The following GP6 variants were observed in gnomAD, a reference collection of about 807,000 sequenced individuals.
GP6 encodes platelet glycoprotein VI.
GP6 carries 45 observed loss-of-function variants against 37.3 expected under a neutral mutation model. That is an observed-to-expected ratio of 1.21 (90% CI 0.95 to 1.55). The LOEUF is 1.55. Ranked by LOEUF, GP6 falls within the 40% of genes most tolerant of loss-of-function variation. GP6 has a pLI of 0.00. For synonymous variants in GP6, 340 were observed against 316.4 expected (o/e 1.07, Z -0.79); for missense variants, 813 against 760.2 (o/e 1.07, Z -0.82).
rs1219716596 is a variant in GP6 at position 55,014,844 on chromosome 19, C to T, written c.1101G>A (p.Trp367Ter). The change falls in exon 8 of 8, where the codon TGG becomes TGA. Residue 367 changes from tryptophan (W) to a stop codon, truncating the protein, a stop_gained. Transcript: ENST00000310373. LOFTEE classifies it low-confidence loss of function (END_TRUNC). ...GCCTCTGCCCTCCTGCTTCCACGCTCCACACACGCCAGTCTTTGAGTCGCC... is the reference window on the plus strand; with the variant it reads ...GCCTCTGCCCTCCTGCTTCCACGCTTCACACACGCCAGTCTTTGAGTCGCC... 6.2e-7 allele frequency: 1 copy of T among 1,614,102 alleles called. No homozygotes were observed. The highest frequency in any genetic ancestry group is 1.1e-5 in the South Asian group (1 of 91,076).
At chr19:55,019,509 A>G (rs963325350) in intron 5 of GP6, among the ~76,000 whole-genome samples, 2 of 152,146 alleles carry the variant, frequency 1.3e-5, no homozygotes, top group African/African-American at 4.8e-5. Context: ...TGTTTTAAAA[A>G]TCATAGTCAT....
chr19:55,024,292 G>GCACGCACACACACACA (rs1568612610), intron 5 of GP6, among the ~76,000 whole-genome samples: 20 of 83,208 alleles, frequency 2.4e-4, no homozygotes, highest in South Asian at 1.8e-3. Context: ...ACACACATAT[G>GCACGCACACACACACA]CACGCATGCA....
chr19:55,017,139 C>T (rs576968915), intron 6 of GP6, among the ~76,000 whole-genome samples: 303 of 146,190 alleles, frequency 2.1e-3, no homozygotes, highest in Non-Finnish European at 3.3e-3. Context: ...TTTTTTAATA[C>T]GGAGTCTCAC....
intron 3 of GP6, 129 bp from the exon 4 acceptor site, chr19:55,027,991 C>G: frequency 1.1e-6 from 1 of 881,450 alleles, no homozygotes; most frequent in Non-Finnish European, 1.9e-6. Context: ...GCGCACTCCC[C>G]CACCCAAGCT....
chr19:55,029,989 C>T (rs1484553906), intron 3 of GP6, among the ~76,000 whole-genome samples: 1 of 152,098 alleles, frequency 6.6e-6, no homozygotes, highest in African/African-American at 2.4e-5. Context: ...GAGTGAGGCA[C>T]TCTCCTGGGA....
intron 6 of GP6, 83 bp from the exon 7 acceptor site, chr19:55,015,816 C>G: frequency 3.8e-6 from 3 of 781,348 alleles, no homozygotes; most frequent in Non-Finnish European, 6.9e-6. Flanking sequence ...CACACACACA[C>G]ATGGGGAGGC....
chr19:55,015,128 G>A lies in GP6; in HGVS notation c.817C>T (p.Pro273Ser). 6.3e-7 allele frequency: 1 copy of A among 1,577,848 alleles called. No homozygotes were observed. ...GGATCACAGCCCCGAGGCATATCCGGACCAGGTTGCCCTTGGTGTAGTACT... is the reference window on the plus strand; with the variant it reads ...GGATCACAGCCCCGAGGCATATCCGAACCAGGTTGCCCTTGGTGTAGTACT... Residue 273 changes from proline to serine, a missense_variant, in exon 8 of 8, where the codon CCG becomes TCG. Coordinates refer to ENST00000310373, the MANE Select transcript of GP6 (RefSeq NM_001083899.2).
At chr19:55,033,949 AAGG>A (rs2074711379) in intron 1 of GP6, among the ~76,000 whole-genome samples, 1 of 152,050 alleles carries the variant, frequency 6.6e-6, no homozygotes, top group African/African-American at 2.4e-5. Context: ...AAATAGCCTG[AAGG>A]AGGATGGGGA....
chr19:55,014,975 G>C lies in GP6; in HGVS notation c.970C>G (p.Arg324Gly). ...CCTGTCGGCCTCCATCCTGACCCCC[G>C]TTTGATTTCCGGGTCAGCGGGAGGG... Residue 324 changes from arginine to glycine, a missense_variant, in exon 8 of 8, where the codon CGG becomes GGG. By Grantham distance (125) the Arg-to-Gly change is moderately radical (BLOSUM62 -2). Coordinates refer to ENST00000310373, the MANE Select transcript of GP6 (RefSeq NM_001083899.2). 1 of 1,612,818 alleles carries C rather than the reference G, an allele frequency of 6.2e-7. No individual in the cohort carries two copies. Among genetic ancestry groups the C allele is most frequent in the Non-Finnish European group, 8.5e-7 (1 of 1,179,280 alleles).
chr19:55,026,176 C>T (rs2074295463), intron 4 of GP6, among the ~76,000 whole-genome samples: 1 of 152,160 alleles, frequency 6.6e-6, no homozygotes, highest in Admixed American at 6.5e-5. Flanking sequence ...ACAGATTTTT[C>T]TACCAAAAAC....
At chr19:55,037,086 A>G (rs2074859080) in intron 1 of GP6, among the ~76,000 whole-genome samples, 1 of 152,192 alleles carries the variant, frequency 6.6e-6, no homozygotes, top group South Asian at 2.1e-4. Context: ...TTATATTCAC[A>G]GTTAACCCTC....
At chr19:55,029,927 T>C (rs2146851887) in intron 3 of GP6, among the ~76,000 whole-genome samples, 1 of 152,014 alleles carries the variant, frequency 6.6e-6, no homozygotes, top group East Asian at 1.9e-4. Flanking sequence ...GGAGGCAGGA[T>C]TTATAACGCG....
intron 1 of GP6, among the ~76,000 whole-genome samples, chr19:55,034,082 ATGTG>A (rs2074717926): frequency 6.6e-6 from 1 of 151,796 alleles, no homozygotes; most frequent in Non-Finnish European, 1.5e-5. Context: ...CTATACATAC[ATGTG>A]TATGTACATA....
intron 5 of GP6, among the ~76,000 whole-genome samples, chr19:55,024,024 C>T (rs1028385011): frequency 3.3e-5 from 5 of 152,164 alleles, no homozygotes; most frequent in East Asian, 1.9e-4. Flanking sequence ...ACAGTGACTG[C>T]GGTGATGGTG....
In GP6 at chr19:55,013,840, T is replaced by G. The variant is rs143249922; in HGVS notation, c.*242A>C. 1,315 of 345,514 alleles carry G rather than the reference T, an allele frequency of 3.8e-3. 13 individuals carry two copies. The highest frequency in any genetic ancestry group is 0.026 in the African/African-American group (1,230 of 46,738). The allele number at this position is 345,514 out of a possible 1,614,324, so 21.4% of individuals were successfully genotyped here. ...CACAGTGCTAGGATTACAGACATGATCCACTGCACTTGGCCCAGTGGTACA... is the reference window on the plus strand; with the variant it reads ...CACAGTGCTAGGATTACAGACATGAGCCACTGCACTTGGCCCAGTGGTACA... On this transcript the variant is annotated 3_prime_UTR_variant, in exon 8 of 8. Transcript: ENST00000310373.
chr19:55,018,683 G>T lies in GP6; in HGVS notation c.693C>A (p.Thr231=). The stretch of plus-strand genomic sequence containing the variant: ...TGAAGACTTCGTTTGTGAATGAGAC[G>T]GTCAGTTCAGCGGTGGCTTCTGAGA... Residue 231 remains threonine, a synonymous_variant, in exon 6 of 8, where the codon ACC becomes ACA. Coordinates refer to ENST00000310373, the MANE Select transcript of GP6 (RefSeq NM_001083899.2). 6.2e-7 allele frequency: 1 copy of T among 1,608,462 alleles called. No homozygotes were observed. Among genetic ancestry groups the T allele is most frequent in the Admixed American group, 1.7e-5 (1 of 60,024 alleles).
chr19:55,021,816 G>A (rs566488494), intron 5 of GP6, among the ~76,000 whole-genome samples: 9 of 152,250 alleles, frequency 5.9e-5, no homozygotes, highest in South Asian at 2.1e-4. Context: ...CACCGTGCCC[G>A]GCGTTTCTTG....
At chr19:55,034,360 G>C (rs1450539449) in intron 1 of GP6, among the ~76,000 whole-genome samples, 1 of 151,974 alleles carries the variant, frequency 6.6e-6, no homozygotes, top group Admixed American at 6.6e-5. Context: ...TTCAAGACCA[G>C]CCTGGTCAAC....
chr19:55,035,638 A>G (rs964884282), intron 1 of GP6, among the ~76,000 whole-genome samples: 10 of 151,756 alleles, frequency 6.6e-5, no homozygotes, highest in Non-Finnish European at 1.3e-4. Context: ...AATCGCTTGA[A>G]CCTGGGAGGT....
Sources: gnomAD v4.1 joint callset for allele counts (sites outside exome capture counted in the v4.1 genomes callset) on GRCh38, gnomAD v4.1.1 for gene constraint, MANE v1.5 for transcripts, NCBI Gene and HGNC (gene_info 2026-07-23, HGNC 2026-07-21) for gene names.